Variants in PKIB observed in about 807,000 individuals in gnomAD.
PKIB encodes the protein cAMP-dependent protein kinase inhibitor beta, also known as PKI-beta.
Under a neutral mutation model 4.5 loss-of-function variants are expected in PKIB, and 2 were observed. The ratio of observed to expected loss-of-function variants is 0.44; its 90% confidence interval spans 0.18 to 1.39. The LOEUF is 1.39. Among genes scored for constraint, PKIB ranks in the 40% most tolerant of loss-of-function variants. The pLI, the probability that PKIB is intolerant of heterozygous loss-of-function variation, is 0.27. For missense variants in PKIB, 94 were observed against 92.6 expected, an observed-to-expected ratio of 1.02 and a Z score of -0.06; for synonymous variants, 38 against 36.0, an observed-to-expected ratio of 1.06 and a Z score of -0.20.
intron 3 of PKIB, among the ~76,000 whole-genome samples, chr6:122,683,488 C>T (rs1402977665): frequency 6.6e-6 from 1 of 152,164 alleles, no homozygotes; most frequent in Non-Finnish European, 1.5e-5. Flanking sequence ...CCACCAGGCC[C>T]TGCTTCTAGC....
At chr6:122,536,381 T>C (rs1381684520) in intron 2 of PKIB, among the ~76,000 whole-genome samples, 1 of 152,182 alleles carries the variant, frequency 6.6e-6, no homozygotes, top group Non-Finnish European at 1.5e-5. Context: ...TCAGCTCTAA[T>C]ATGAGTTCTA....
chr6:122,597,526 T>C (rs553796804), intron 3 of PKIB, among the ~76,000 whole-genome samples: 20 of 152,336 alleles, frequency 1.3e-4, no homozygotes, highest in African/African-American at 2.9e-4. Flanking sequence ...AATAATCCAC[T>C]GTCATTCTCC....
intron 2 of PKIB, among the ~76,000 whole-genome samples, chr6:122,642,527 C>T (rs566412717): frequency 8.5e-5 from 13 of 152,332 alleles, no homozygotes; most frequent in African/African-American, 2.9e-4. Flanking sequence ...TTTCCTTATG[C>T]TTGCTATCTC....
chr6:122,481,762 A>G (rs954890327), intron 2 of PKIB: 2 of 152,182 alleles, frequency 1.3e-5, no homozygotes, highest in African/African-American at 4.8e-5. Context: ...AAAGATATAT[A>G]GTAAATTTTG....
At chr6:122,669,510 T>C (rs1303293672) in intron 2 of PKIB, among the ~76,000 whole-genome samples, 1 of 152,206 alleles carries the variant, frequency 6.6e-6, no homozygotes, top group Non-Finnish European at 1.5e-5. Context: ...TTCTGCCTTT[T>C]GTGAGAATAC....
At chr6:122,521,943 G>A (rs1031832295) in intron 2 of PKIB, among the ~76,000 whole-genome samples, 14 of 152,032 alleles carry the variant, frequency 9.2e-5, no homozygotes, top group Non-Finnish European at 1.3e-4. Flanking sequence ...CAAGGCTCTC[G>A]TCTCCTTTGC....
At chr6:122,589,465 C>T (rs190515484) in intron 3 of PKIB, among the ~76,000 whole-genome samples, 3 of 152,122 alleles carry the variant, frequency 2.0e-5, no homozygotes, top group Admixed American at 6.5e-5. Flanking sequence ...GAGATAGTCA[C>T]CTATGAGGAT....
intron 2 of PKIB, among the ~76,000 whole-genome samples, chr6:122,667,098 T>C (rs572635094): frequency 6.6e-6 from 1 of 152,346 alleles, no homozygotes; most frequent in East Asian, 1.9e-4. Flanking sequence ...TCATTGGCCT[T>C]CTTCTGTGAG....
In PKIB at chr6:122,709,260, C is replaced by T. The variant is rs1036199969; in HGVS notation, c.-8-8527C>T. 2.6e-5 allele frequency among the ~76,000 whole-genome samples: 4 copies of T among 152,092 alleles called. No individual in the cohort carries two copies. The East Asian group carries it at 5.8e-4, about 22-fold the overall frequency. Reference sequence around the variant, plus strand: ...AACTTCAGAAGTGTTCACTTTTAGGCGACCAAACTTCCCATTGCTCCATAT... The same window carrying T: ...AACTTCAGAAGTGTTCACTTTTAGGTGACCAAACTTCCCATTGCTCCATAT... On this transcript the variant is annotated intron_variant, in intron 3 of 4. Coordinates refer to ENST00000368452, the MANE Select transcript of PKIB (RefSeq NM_181795.3).
chr6:122,587,980 T>G (rs1773901690), intron 3 of PKIB, among the ~76,000 whole-genome samples: 1 of 152,212 alleles, frequency 6.6e-6, no homozygotes. Flanking sequence ...GGTTACCTGT[T>G]CACTCTGATG....
chr6:122,544,292 A>T (rs1216865813), intron 2 of PKIB, among the ~76,000 whole-genome samples: 2 of 152,012 alleles, frequency 1.3e-5, no homozygotes, highest in Non-Finnish European at 2.9e-5. Context: ...TGTATGATAT[A>T]TACATTTGTC....
intron 4 of PKIB, 30 bp downstream of exon 4, chr6:122,717,993 A>C: frequency 1.3e-6 from 2 of 1,598,074 alleles, no homozygotes; most frequent in Non-Finnish European, 1.7e-6. Flanking sequence ...TACAATTAAC[A>C]GCACTTGTCC....
chr6:122,614,627 G>T (rs951403381), intron 1 of PKIB, among the ~76,000 whole-genome samples: 3 of 152,054 alleles, frequency 2.0e-5, no homozygotes, highest in African/African-American at 7.2e-5. Flanking sequence ...ATAAAACCAT[G>T]GAAGACAGGA....
At chr6:122,535,909 A>G (rs761771062) in intron 2 of PKIB, among the ~76,000 whole-genome samples, 2 of 152,144 alleles carry the variant, frequency 1.3e-5, no homozygotes, top group African/African-American at 2.4e-5. Context: ...TGTGAACATC[A>G]TGACACTCTA....
intron 1 of PKIB, among the ~76,000 whole-genome samples, chr6:122,617,829 A>G (rs1775058149): frequency 6.6e-6 from 1 of 152,082 alleles, no homozygotes; most frequent in Non-Finnish European, 1.5e-5. Flanking sequence ...GATGTTTTTT[A>G]TTTTAATTCT....
intron 3 of PKIB, among the ~76,000 whole-genome samples, chr6:122,685,961 A>G (rs1778077184): frequency 6.6e-6 from 1 of 152,154 alleles, no homozygotes; most frequent in African/African-American, 2.4e-5. Flanking sequence ...TTCCAATTCC[A>G]TCCATGTTGT....
chr6:122,701,884 G>A (rs1438154052), intron 3 of PKIB, among the ~76,000 whole-genome samples: 1 of 152,102 alleles, frequency 6.6e-6, no homozygotes, highest in Non-Finnish European at 1.5e-5. Flanking sequence ...AACATTGCAG[G>A]GCATGCAGGA....
At chr6:122,558,357 C>T (rs1772909854) in intron 2 of PKIB, among the ~76,000 whole-genome samples, 1 of 152,112 alleles carries the variant, frequency 6.6e-6, no homozygotes, top group African/African-American at 2.4e-5. Flanking sequence ...ATAGGTTTAG[C>T]AAGTTTTCAA....
intron 4 of PKIB, among the ~76,000 whole-genome samples, chr6:122,720,529 C>T (rs9490536): frequency 0.045 from 6,841 of 151,824 alleles, 312 homozygotes; most frequent in African/African-American, 0.12. Context: ...TGCCATACAC[C>T]GAGAAGGGTT....
Sources: gnomAD v4.1 joint callset for allele counts (sites outside exome capture counted in the v4.1 genomes callset) on GRCh38, gnomAD v4.1.1 for gene constraint, MANE v1.5 for transcripts, NCBI Gene and HGNC (gene_info 2026-07-23, HGNC 2026-07-21) for gene names.